Variants in FAM135B observed in about 807,000 individuals in gnomAD.
The protein encoded by FAM135B is family with sequence similarity 135 member B.
FAM135B carries 43 observed loss-of-function variants against 127.7 expected under a neutral mutation model. That is an observed-to-expected ratio of 0.34 (90% confidence interval 0.26 to 0.43). FAM135B has a LOEUF of 0.43. Among genes scored for constraint, FAM135B ranks in the 20% least tolerant of loss-of-function variants. The pLI, the probability that FAM135B is intolerant of heterozygous loss-of-function variation, is 1.00. For synonymous variants in FAM135B, 670 were observed against 665.1 expected, an observed-to-expected ratio of 1.01 and a Z score of -0.11; for missense variants, 1,558 against 1,725.6, an observed-to-expected ratio of 0.90 and a Z score of 1.72.
intron 1 of FAM135B, among the ~76,000 whole-genome samples, chr8:138,464,721 G>A (rs1055967954): frequency 1.3e-5 from 2 of 152,282 alleles, no homozygotes; most frequent in Admixed American, 1.3e-4. Context: ...TGGGCCCACT[G>A]CCCAGAACAT....
chr8:138,219,226 T>G (rs1237107121), intron 7 of FAM135B, among the ~76,000 whole-genome samples: 1 of 152,198 alleles, frequency 6.6e-6, no homozygotes, highest in Non-Finnish European at 1.5e-5. Flanking sequence ...ATGCGTAACA[T>G]GGGAGATAGG....
chr8:138,137,026 G>A (rs1816719998), intron 19 of FAM135B, 121 bp downstream of exon 19: 4 of 650,252 alleles, frequency 6.2e-6, no homozygotes, highest in Admixed American at 5.2e-5. Context: ...CTATCACTAA[G>A]CTAAGATAAA....
chr8:138,138,234 C>T (rs1475509520), intron 18 of FAM135B, among the ~76,000 whole-genome samples: 1 of 152,242 alleles, frequency 6.6e-6, no homozygotes, highest in Non-Finnish European at 1.5e-5. Flanking sequence ...CTCAACTCAA[C>T]ACACAGAGGC....
At chr8:138,168,112 C>T (rs1338323859) in intron 11 of FAM135B, 63 bp from the exon 12 acceptor site, 3 of 1,517,140 alleles carry the variant, frequency 2.0e-6, no homozygotes, top group East Asian at 4.8e-5. Context: ...ACCGTTGCCC[C>T]CTCTTCCTAA....
chr8:138,411,270 T>A (rs1367576128), intron 1 of FAM135B, among the ~76,000 whole-genome samples: 1 of 151,990 alleles, frequency 6.6e-6, no homozygotes, highest in Admixed American at 6.6e-5. Context: ...CAAAACAGCA[T>A]GGTACTGGTA....
intron 1 of FAM135B, among the ~76,000 whole-genome samples, chr8:138,442,214 T>A (rs576518584): frequency 4.2e-5 from 5 of 118,014 alleles, no homozygotes; most frequent in Admixed American, 1.0e-4. Context: ...AATAAAAAAA[T>A]TTAACGTGAA....
chr8:138,474,140 T>G (rs117428189), intron 1 of FAM135B, among the ~76,000 whole-genome samples: 41 of 152,292 alleles, frequency 2.7e-4, no homozygotes, highest in Non-Finnish European at 5.1e-4. Context: ...CCTAGTTCCT[T>G]CCTTGCAGTG....
At chr8:138,233,353 T>A (rs571638190) in intron 7 of FAM135B, among the ~76,000 whole-genome samples, 4 of 152,248 alleles carry the variant, frequency 2.6e-5, no homozygotes, top group Non-Finnish European at 4.4e-5. Flanking sequence ...AATAGAAAAC[T>A]AAGAAATGAA....
chr8:138,497,280 C>T (rs1815436213), upstream of FAM135B, among the ~76,000 whole-genome samples: 1 of 150,278 alleles, frequency 6.7e-6, no homozygotes, highest in Non-Finnish European at 1.5e-5. Context: ...GCGCGGCTCA[C>T]GCGCTCCCAC....
chr8:138,323,010 C>T (rs1279097877), intron 2 of FAM135B, among the ~76,000 whole-genome samples: 2 of 152,212 alleles, frequency 1.3e-5, no homozygotes. Context: ...TATGCGCCCA[C>T]CACTGTAGGA....
In FAM135B at chr8:138,324,755, G is replaced by A. The variant is rs1181135314; in HGVS notation, c.78-13835C>T. On this transcript the variant is annotated intron_variant, in intron 2 of 19. Coordinates refer to ENST00000395297, the MANE Select transcript of FAM135B (RefSeq NM_015912.4). ...AAGTTTCTGCAACTTGTAAATTGGA[G>A]AGCCTGAGACTCAAGCCCAAGAAAT... 2.6e-5 allele frequency among the ~76,000 whole-genome samples: 4 copies of A among 152,284 alleles called. No homozygotes were observed. The East Asian group carries it at 7.7e-4, about 29-fold the overall frequency.
At chr8:138,157,073 C>T (rs1818831436) in intron 12 of FAM135B, among the ~76,000 whole-genome samples, 2 of 152,180 alleles carry the variant, frequency 1.3e-5, no homozygotes, top group Admixed American at 1.3e-4. Context: ...CAGAATCCAG[C>T]AGCACATCAA....
At chr8:138,402,498 T>C (rs1833208522) in intron 1 of FAM135B, among the ~76,000 whole-genome samples, 1 of 152,136 alleles carries the variant, frequency 6.6e-6, no homozygotes, top group Non-Finnish European at 1.5e-5. Flanking sequence ...AAATAACCAT[T>C]ATAAACAACA....
rs2130891655 is a variant in FAM135B at position 138,310,772 on chromosome 8, C to T, written c.157+69G>A. ...CTACATGCCTTGCACTCTGCTGTGC[C>T]CTGGCGAGCAGTGACAAAGGGAGGT... On this transcript the variant is annotated intron_variant, in intron 3 of 19. Coordinates refer to ENST00000395297, the MANE Select transcript of FAM135B (RefSeq NM_015912.4). 4.3e-6 allele frequency: 6 copies of T among 1,404,378 alleles called. No individual in the cohort carries two copies. The South Asian group carries it at 4.8e-5, about 11-fold the overall frequency. The allele number at this position is 1,404,378 out of a possible 1,614,324, so 87.0% of individuals were successfully genotyped here.
Position 138,242,841 on chromosome 8 carries a change from C to G in FAM135B, c.669+101G>C. On this transcript the variant is annotated intron_variant, in intron 7 of 19. Coordinates refer to ENST00000395297, the MANE Select transcript of FAM135B (RefSeq NM_015912.4). This position sits in a 1 kb window ranked among gnomAD's most constrained non-coding sequence, Gnocchi z 9.6. Reference sequence around the variant, plus strand: ...AAGGAAGGGTCAAATTAGCAAAAATCTCTGAAGGGGATGTTTCAAAGAAGC... The same window carrying G: ...AAGGAAGGGTCAAATTAGCAAAAATGTCTGAAGGGGATGTTTCAAAGAAGC... The G allele has an allele frequency of 6.8e-7, 1 of 1,465,764 alleles. No individual in the cohort carries two copies. The highest frequency in any genetic ancestry group is 2.4e-5 in the Admixed American group (1 of 42,286). The allele number at this position is 1,465,764 out of a possible 1,614,324, so 90.8% of individuals were successfully genotyped here. A position where few individuals can be genotyped will look rare whatever the true frequency, so the allele number is the denominator to read the frequency against.
At chr8:138,274,405 C>T (rs1003539538) in intron 3 of FAM135B, among the ~76,000 whole-genome samples, 83 of 152,250 alleles carry the variant, frequency 5.5e-4, no homozygotes, top group African/African-American at 1.8e-3. Flanking sequence ...GGGTCACAGA[C>T]ATCAAGTACT....
chr8:138,410,890 T>C (rs558989977), intron 1 of FAM135B, among the ~76,000 whole-genome samples: 1 of 152,072 alleles, frequency 6.6e-6, no homozygotes, highest in Non-Finnish European at 1.5e-5. Context: ...CCATTCACAA[T>C]TGCTTCAAAG....
intron 3 of FAM135B, among the ~76,000 whole-genome samples, chr8:138,275,458 G>C (rs541972863): frequency 6.6e-6 from 1 of 152,132 alleles, no homozygotes; most frequent in African/African-American, 2.4e-5. Context: ...GCCAAGGTGG[G>C]AGGATCACTT....
intron 1 of FAM135B, among the ~76,000 whole-genome samples, chr8:138,406,637 A>G (rs963503874): frequency 6.6e-6 from 1 of 152,122 alleles, no homozygotes; most frequent in Non-Finnish European, 1.5e-5. Flanking sequence ...TCCAGCATAT[A>G]AACAGAACCG....
Sources: allele counts gnomAD v4.1 joint callset (sites outside exome capture counted in the v4.1 genomes callset), GRCh38; gene constraint gnomAD v4.1.1; non-coding constraint Gnocchi (gnomAD v3.1); transcripts MANE v1.5; gene names NCBI Gene and HGNC (gene_info 2026-07-23, HGNC 2026-07-21).